The following ANKRD6 variants were observed in gnomAD, a reference collection of about 807,000 sequenced individuals.
The protein encoded by ANKRD6 is ankyrin repeat domain-containing protein 6.
A neutral mutation model predicts 82.3 loss-of-function variants in ANKRD6; 56 were observed. The observed-to-expected ratio is 0.68, with a 90% CI of 0.55 to 0.85. ANKRD6 has a LOEUF of 0.85. Among genes scored for constraint, ANKRD6 ranks in the 40% least tolerant of loss-of-function variants. The pLI is 0.00. For synonymous variants in ANKRD6, 347 were observed against 352.1 expected, an observed-to-expected ratio of 0.99 and a Z score of 0.16; for missense variants, 852 against 907.6, an observed-to-expected ratio of 0.94 and a Z score of 0.79.
chr6:89,503,706 A>C (rs1017540822), intron 1 of ANKRD6, among the ~76,000 whole-genome samples: 1 of 152,244 alleles, frequency 6.6e-6, no homozygotes, highest in African/African-American at 2.4e-5. Context: ...ATAAGTGCTA[A>C]GACTGCAGTT....
chr6:89,574,866 C>T (rs1013076953), intron 2 of ANKRD6, among the ~76,000 whole-genome samples: 2 of 152,046 alleles, frequency 1.3e-5, no homozygotes, highest in African/African-American at 4.8e-5. Context: ...AATCAGCTGA[C>T]AAATGGCAGA....
chr6:89,449,889 A>G (rs959524210), intron 1 of ANKRD6, among the ~76,000 whole-genome samples: 2 of 152,208 alleles, frequency 1.3e-5, no homozygotes, highest in Non-Finnish European at 2.9e-5. Context: ...TGCTGTGAAT[A>G]TTGTTGAAAT....
intron 2 of ANKRD6, among the ~76,000 whole-genome samples, chr6:89,593,215 T>TC (rs1286258111): frequency 6.6e-6 from 1 of 152,166 alleles, no homozygotes; most frequent in African/African-American, 2.4e-5. Flanking sequence ...AGCACACACT[T>TC]CTCTGTCCTC....
chr6:89,512,144 A>G (rs1780626464), intron 1 of ANKRD6, among the ~76,000 whole-genome samples: 2 of 152,138 alleles, frequency 1.3e-5, no homozygotes, highest in Non-Finnish European at 2.9e-5. Flanking sequence ...GTCAACATGA[A>G]AGCAGTTACA....
At chr6:89,558,806 T>C (rs1162398489) in intron 1 of ANKRD6, among the ~76,000 whole-genome samples, 7 of 140,606 alleles carry the variant, frequency 5.0e-5, no homozygotes, top group African/African-American at 1.4e-4. Context: ...AAAAGGGAAA[T>C]CTGTAGGGGT....
intron 1 of ANKRD6, among the ~76,000 whole-genome samples, chr6:89,462,189 G>A (rs888113869): frequency 1.7e-4 from 25 of 150,450 alleles, no homozygotes; most frequent in African/African-American, 5.9e-4. Flanking sequence ...CCGAGATCAC[G>A]CCACTGCACT....
intron 2 of ANKRD6, among the ~76,000 whole-genome samples, chr6:89,590,854 G>C (rs1794737956): frequency 6.6e-6 from 1 of 152,172 alleles, no homozygotes; most frequent in Admixed American, 6.5e-5. Context: ...TTCGATAATA[G>C]TGTCCACCTC....
intron 1 of ANKRD6, among the ~76,000 whole-genome samples, chr6:89,550,302 G>T (rs1011142984): frequency 1.3e-5 from 2 of 151,998 alleles, no homozygotes; most frequent in African/African-American, 4.8e-5. Flanking sequence ...TTCAACAGAA[G>T]AATGGATAAA....
At chr6:89,474,555 C>G (rs1460840614) in intron 1 of ANKRD6, among the ~76,000 whole-genome samples, 1 of 152,070 alleles carries the variant, frequency 6.6e-6, no homozygotes, top group Non-Finnish European at 1.5e-5. Context: ...GTAGCTGGGA[C>G]TACAGGCGCC....
intron 5 of ANKRD6, among the ~76,000 whole-genome samples, chr6:89,610,802 T>TAA (rs1800040341): frequency 9.3e-6 from 1 of 107,080 alleles, no homozygotes; most frequent in African/African-American, 5.0e-5. Flanking sequence ...AAAACAAAAC[T>TAA]TAAAAAAAAA....
chr6:89,485,639 A>G (rs2127821243), intron 1 of ANKRD6, among the ~76,000 whole-genome samples: 1 of 152,352 alleles, frequency 6.6e-6, no homozygotes, highest in East Asian at 1.9e-4. Flanking sequence ...GCTGCCCTGC[A>G]AACCCAAATC....
At chr6:89,534,932 C>T (rs1783636430) in intron 1 of ANKRD6, among the ~76,000 whole-genome samples, 1 of 152,122 alleles carries the variant, frequency 6.6e-6, no homozygotes, top group South Asian at 2.1e-4. Flanking sequence ...CTCCTCATCC[C>T]CACCCTCCCA....
intron 1 of ANKRD6, among the ~76,000 whole-genome samples, chr6:89,528,620 A>G (rs1000494957): frequency 1.3e-5 from 2 of 152,222 alleles, no homozygotes; most frequent in Non-Finnish European, 2.9e-5. Context: ...AATGTTCCTA[A>G]TGGCATCTAG....
At chr6:89,607,539 A>G (rs1583699003) in intron 5 of ANKRD6, among the ~76,000 whole-genome samples, 1 of 152,232 alleles carries the variant, frequency 6.6e-6, no homozygotes, top group East Asian at 1.9e-4. Context: ...GAATATCATC[A>G]GAATATTAAC....
intron 1 of ANKRD6, among the ~76,000 whole-genome samples, chr6:89,517,275 T>G (rs1781344658): frequency 6.6e-6 from 1 of 152,232 alleles, no homozygotes; most frequent in Admixed American, 6.5e-5. Flanking sequence ...CATTTAAAAA[T>G]TAATAGTAGT....
intron 1 of ANKRD6, among the ~76,000 whole-genome samples, chr6:89,527,804 TG>T (rs1782684731): frequency 6.6e-6 from 1 of 151,972 alleles, no homozygotes; most frequent in African/African-American, 2.4e-5. Flanking sequence ...ATGGCAATTT[TG>T]TTTTTTTGTT....
chr6:89,630,574 G>T lies in ANKRD6; in HGVS notation c.1754G>T (p.Gly585Val). ...QQELSSSDCT[G>V]SRLRNVKVQT... ...GAGCTGTCGTCTTCTGACTGTACAG[G>T]CTCCCGACTGAGAAACGTCAAGGTC... is the stretch of plus-strand genomic sequence containing the variant. Residue 585 changes from glycine (G) to valine (V), a missense_variant, in exon 16 of 16, where the codon GGC (glycine) becomes GTC (valine). By Grantham distance (109) the Gly-to-Val change is moderately radical. Coordinates refer to ENST00000339746, the MANE Select transcript of ANKRD6 (RefSeq NM_001242809.2). 2 of 1,613,860 alleles carry T rather than the reference G, an allele frequency of 1.2e-6. No individual in the cohort carries two copies. The highest frequency in any genetic ancestry group is 2.2e-5 in the South Asian group (2 of 91,068).
chr6:89,625,834 A>T (rs1015714445), intron 13 of ANKRD6, among the ~76,000 whole-genome samples: 1 of 151,488 alleles, frequency 6.6e-6, no homozygotes, highest in East Asian at 1.9e-4. Flanking sequence ...CCTGGGTTCA[A>T]GCGATTCTCC....
intron 1 of ANKRD6, among the ~76,000 whole-genome samples, chr6:89,531,485 C>A (rs539308286): frequency 4.6e-5 from 7 of 152,364 alleles, no homozygotes; most frequent in African/African-American, 1.7e-4. Flanking sequence ...TCTGCATTCT[C>A]CCCCTAGTGC....
Sources: gnomAD v4.1 joint callset for allele counts (sites outside exome capture counted in the v4.1 genomes callset) on GRCh38, gnomAD v4.1.1 for gene constraint, MANE v1.5 for transcripts, NCBI Gene and HGNC (gene_info 2026-07-23, HGNC 2026-07-21) for gene names.